THSD7B: variants seen among roughly 807,000 people sequenced by gnomAD.
THSD7B encodes the protein thrombospondin type-1 domain-containing protein 7B.
Under a neutral mutation model 213.6 loss-of-function variants are expected in THSD7B, and 138 were observed. That is an observed-to-expected ratio of 0.65 (90% CI 0.56 to 0.74). The LOEUF (loss-of-function observed/expected upper bound fraction) is 0.74, where lower values mean the gene tolerates loss of function less well. Ranked by LOEUF, THSD7B falls within the 30% of genes least tolerant of loss-of-function variation. The pLI, the probability that THSD7B is intolerant of heterozygous loss-of-function variation, is 0.00. For missense variants in THSD7B, 1,931 were observed against 1,991.5 expected, an observed-to-expected ratio of 0.97 and a Z score of 0.58; for synonymous variants, 742 against 687.0, an observed-to-expected ratio of 1.08 and a Z score of -1.25.
intron 2 of THSD7B, among the ~76,000 whole-genome samples, chr2:137,004,432 A>G (rs16837809): frequency 0.018 from 2,729 of 152,202 alleles, 106 homozygotes; most frequent in African/African-American, 0.063. Context: ...TTATGGAAAC[A>G]ATTGCTTGTT....
chr2:136,865,170 C>G (rs1387446103), intron 1 of THSD7B, among the ~76,000 whole-genome samples: 1 of 152,160 alleles, frequency 6.6e-6, no homozygotes, highest in Non-Finnish European at 1.5e-5. Flanking sequence ...GAGAACTGCC[C>G]TTTGCCTCTT....
chr2:137,276,138 A>G, intron 12 of THSD7B, 112 bp downstream of exon 12: 6 of 772,742 alleles, frequency 7.8e-6, no homozygotes, highest in Non-Finnish European at 1.2e-5. Flanking sequence ...ATTGGCTTGA[A>G]TTATTCATAT....
In THSD7B at chr2:137,183,169, T is replaced by A. The variant is rs1680487380; in HGVS notation, c.1723+12231T>A. On this transcript the variant is annotated intron_variant, in intron 7 of 27. Coordinates refer to ENST00000409968, the MANE Select transcript of THSD7B (RefSeq NM_001316349.2). Reference sequence around the variant, plus strand: ...CTATTTTGTAAAATTTTTGTTTTATTAACTCTTTTGTATTTTAAAATCTTT... The same window carrying A: ...CTATTTTGTAAAATTTTTGTTTTATAAACTCTTTTGTATTTTAAAATCTTT... Among the ~76,000 whole-genome samples, 3 of 152,124 alleles carry A rather than the reference T, an allele frequency of 2.0e-5. 1 individual carries two copies. The South Asian group carries it at 6.2e-4, about 31-fold the overall frequency.
intron 5 of THSD7B, among the ~76,000 whole-genome samples, chr2:137,138,176 A>T (rs939833680): frequency 6.6e-6 from 1 of 152,014 alleles, no homozygotes; most frequent in Non-Finnish European, 1.5e-5. Context: ...CATGATGAAT[A>T]TTTTTTTGGA....
At chr2:136,776,698 G>GT (rs1681612363) in intron 1 of THSD7B, among the ~76,000 whole-genome samples, 1 of 152,124 alleles carries the variant, frequency 6.6e-6, no homozygotes, top group African/African-American at 2.4e-5. Context: ...TAGCAAAGTA[G>GT]TTATTCATCC....
Position 137,586,934 on chromosome 2 carries a change from C to T in THSD7B, c.3423+14378C>T, listed in dbSNP as rs532158207. ...TGGAAAATATCCTGCAGAGTGTTTTCCAACTTGGTTCCATTCTCCCTGTCA... is the reference window on the plus strand; with the variant it reads ...TGGAAAATATCCTGCAGAGTGTTTTTCAACTTGGTTCCATTCTCCCTGTCA... On this transcript the variant is annotated intron_variant, in intron 17 of 27. Transcript: ENST00000409968. Among the ~76,000 whole-genome samples the T allele has an allele frequency of 2.2e-3, 335 of 152,310 alleles. 1 individual carries two copies. Among genetic ancestry groups the T allele is most frequent in the African/African-American group, 7.0e-3 (289 of 41,560 alleles).
At chr2:137,166,940 C>A (rs1680146817) in intron 6 of THSD7B, among the ~76,000 whole-genome samples, 1 of 152,020 alleles carries the variant, frequency 6.6e-6, no homozygotes, top group African/African-American at 2.4e-5. Flanking sequence ...ATCAGTGTGT[C>A]TTCTTAGTTT....
intron 2 of THSD7B, among the ~76,000 whole-genome samples, chr2:136,926,455 G>A (rs1039664600): frequency 1.3e-5 from 2 of 152,018 alleles, no homozygotes; most frequent in African/African-American, 4.8e-5. Flanking sequence ...CACTTTGGGA[G>A]GATGAGGCAG....
At chr2:136,793,691 A>G (rs928449092) in intron 1 of THSD7B, among the ~76,000 whole-genome samples, 2 of 151,916 alleles carry the variant, frequency 1.3e-5, no homozygotes, top group African/African-American at 4.8e-5. Flanking sequence ...TTTGGTTAGA[A>G]TTTTTGTATC....
chr2:137,254,264 C>G (rs745377658), intron 10 of THSD7B, among the ~76,000 whole-genome samples: 3 of 152,310 alleles, frequency 2.0e-5, no homozygotes, highest in Middle Eastern at 3.4e-3. Context: ...ATGATAGACT[C>G]TCTGCCTTTT....
At chr2:136,883,691 G>A (rs1319000106) in intron 2 of THSD7B, among the ~76,000 whole-genome samples, 1 of 152,100 alleles carries the variant, frequency 6.6e-6, no homozygotes, top group Non-Finnish European at 1.5e-5. Flanking sequence ...TTATTTTGAA[G>A]CAAGTTTTAA....
intron 2 of THSD7B, among the ~76,000 whole-genome samples, chr2:136,947,384 A>G (rs1338919856): frequency 6.6e-6 from 1 of 152,008 alleles, no homozygotes; most frequent in East Asian, 1.9e-4. Context: ...ATTTCAAATA[A>G]TTTTCCTAAT....
chr2:136,835,252 T>C (rs1431444829), intron 1 of THSD7B, among the ~76,000 whole-genome samples: 3 of 152,088 alleles, frequency 2.0e-5, no homozygotes, highest in African/African-American at 7.2e-5. Flanking sequence ...GAAGACTAAA[T>C]TTGTTGTGTT....
At chr2:136,860,932 A>G (rs562753185) in intron 1 of THSD7B, among the ~76,000 whole-genome samples, 1 of 152,378 alleles carries the variant, frequency 6.6e-6, no homozygotes, top group South Asian at 2.1e-4. Flanking sequence ...CACTGGCTTC[A>G]GTGCCTCAGG....
intron 15 of THSD7B, among the ~76,000 whole-genome samples, chr2:137,508,817 C>A (rs1182262015): frequency 2.0e-5 from 3 of 152,058 alleles, no homozygotes; most frequent in Non-Finnish European, 4.4e-5. Flanking sequence ...ATAGAAAATA[C>A]CCTGTGCCTA....
chr2:137,359,925 A>T (rs2104932965), intron 12 of THSD7B, among the ~76,000 whole-genome samples: 1 of 152,360 alleles, frequency 6.6e-6, no homozygotes, highest in Admixed American at 6.5e-5. Flanking sequence ...TAAGCAAATC[A>T]ATGAATAAGT....
intron 2 of THSD7B, among the ~76,000 whole-genome samples, chr2:136,890,383 C>CT (rs1573691893): frequency 3.7e-3 from 3 of 814 alleles, no homozygotes; most frequent in South Asian, 0.071. Flanking sequence ...CTTCCTCTTC[C>CT]TCTTCCTCTT....
intron 5 of THSD7B, among the ~76,000 whole-genome samples, chr2:137,134,295 G>A (rs1329622032): frequency 6.6e-6 from 1 of 152,168 alleles, no homozygotes; most frequent in Non-Finnish European, 1.5e-5. Context: ...CTAACACTGA[G>A]TTTTAATTTT....
At chr2:137,571,566 C>T (rs578178220) in intron 16 of THSD7B, among the ~76,000 whole-genome samples, 3 of 152,294 alleles carry the variant, frequency 2.0e-5, no homozygotes, top group East Asian at 1.9e-4. Flanking sequence ...TAATTATAAT[C>T]GCTCTGCATT....
Sources: allele counts gnomAD v4.1 joint callset (sites outside exome capture counted in the v4.1 genomes callset), GRCh38; gene constraint gnomAD v4.1.1; transcripts MANE v1.5; gene names NCBI Gene and HGNC (gene_info 2026-07-23, HGNC 2026-07-21).